The following CNTN5 variants were observed in gnomAD, a reference collection of about 807,000 sequenced individuals.
CNTN5 encodes the protein contactin 5, also known as contactin-5.
Under a neutral mutation model 129.1 loss-of-function variants are expected in CNTN5, and 77 were observed. That is an observed-to-expected ratio of 0.60 (90% confidence interval 0.50 to 0.72). CNTN5 has a LOEUF of 0.72. Among genes scored for constraint, CNTN5 ranks in the 30% least tolerant of loss-of-function variants. The pLI is 0.00. For missense variants in CNTN5, 1,478 were observed against 1,328.8 expected, an observed-to-expected ratio of 1.11 and a Z score of -1.75; for synonymous variants, 509 against 465.6, an observed-to-expected ratio of 1.09 and a Z score of -1.20.
intron 3 of CNTN5, among the ~76,000 whole-genome samples, chr11:99,726,247 C>T (rs757045613): frequency 4.6e-5 from 7 of 152,192 alleles, no homozygotes; most frequent in Admixed American, 1.3e-4. Context: ...CAGGAAGTTA[C>T]TTGTCTGGGA....
chr11:100,094,788 G>GGAAA (rs1944939738), intron 13 of CNTN5, among the ~76,000 whole-genome samples: 3 of 145,000 alleles, frequency 2.1e-5, no homozygotes, highest in South Asian at 4.4e-4. Flanking sequence ...AAGGAAGGAA[G>GGAAA]GAAGGAAGGA....
chr11:99,423,518 A>C (rs1353354679), intron 2 of CNTN5, among the ~76,000 whole-genome samples: 2 of 152,238 alleles, frequency 1.3e-5, no homozygotes, highest in Non-Finnish European at 2.9e-5. Context: ...CAGGTTTCTA[A>C]GGTAAACTTA....
intron 3 of CNTN5, among the ~76,000 whole-genome samples, chr11:99,661,812 G>A (rs662729): frequency 6.6e-6 from 1 of 152,104 alleles, no homozygotes. Flanking sequence ...GAGGTATTTA[G>A]AAATTGCTTC....
intron 9 of CNTN5, among the ~76,000 whole-genome samples, chr11:100,024,158 C>T (rs1323806519): frequency 6.6e-6 from 1 of 152,098 alleles, no homozygotes; most frequent in Non-Finnish European, 1.5e-5. Context: ...AGGCAGTTTC[C>T]TTCATGCTGT....
At chr11:99,339,675 G>A (rs1866419082) in intron 2 of CNTN5, among the ~76,000 whole-genome samples, 1 of 152,046 alleles carries the variant, frequency 6.6e-6, no homozygotes, top group Admixed American at 6.6e-5. Context: ...CCATCTACTA[G>A]AGAGGCTGAG....
chr11:99,576,960 G>A (rs1161030391), intron 3 of CNTN5, among the ~76,000 whole-genome samples: 1 of 152,148 alleles, frequency 6.6e-6, no homozygotes, highest in Non-Finnish European at 1.5e-5. Flanking sequence ...TCAGACCACA[G>A]CACAAATCTT....
At chr11:99,923,929 C>G (rs2136045591) in intron 7 of CNTN5, among the ~76,000 whole-genome samples, 1 of 152,170 alleles carries the variant, frequency 6.6e-6, no homozygotes, top group East Asian at 1.9e-4. Flanking sequence ...CTGGTAGGTA[C>G]TACAGGCGCA....
intron 1 of CNTN5, among the ~76,000 whole-genome samples, chr11:99,023,890 CT>C (rs1417539309): frequency 2.6e-5 from 4 of 151,996 alleles, no homozygotes; most frequent in African/African-American, 9.7e-5. Context: ...TTGATTTTAT[CT>C]CTCTTTCTTC....
At chr11:99,289,202 T>A (rs956011335) in intron 1 of CNTN5, among the ~76,000 whole-genome samples, 1 of 151,888 alleles carries the variant, frequency 6.6e-6, no homozygotes, top group African/African-American at 2.4e-5. Context: ...TGCTATTATC[T>A]TCCTTCCTCT....
intron 13 of CNTN5, among the ~76,000 whole-genome samples, chr11:100,145,391 T>A (rs1038366133): frequency 2.6e-5 from 4 of 152,170 alleles, no homozygotes; most frequent in African/African-American, 9.6e-5. Context: ...TTGCTGCTCA[T>A]TGATCACTAA....
At chr11:99,559,896 A>G (rs1180256829) in intron 3 of CNTN5, among the ~76,000 whole-genome samples, 1 of 152,224 alleles carries the variant, frequency 6.6e-6, no homozygotes, top group African/African-American at 2.4e-5. Context: ...CAAACTACAC[A>G]AACATATTAA....
intron 1 of CNTN5, among the ~76,000 whole-genome samples, chr11:99,033,918 C>A (rs1591077052): frequency 6.6e-6 from 1 of 150,594 alleles, no homozygotes; most frequent in Non-Finnish European, 1.5e-5. Flanking sequence ...TCATAGATAG[C>A]TCTTATTATT....
intron 6 of CNTN5, among the ~76,000 whole-genome samples, chr11:99,907,291 A>T (rs2135974309): frequency 6.6e-6 from 1 of 152,144 alleles, no homozygotes; most frequent in African/African-American, 2.4e-5. Flanking sequence ...TTGATTTTTA[A>T]CATTAGGCAG....
intron 18 of CNTN5, among the ~76,000 whole-genome samples, chr11:100,272,921 C>T (rs1404740975): frequency 2.0e-5 from 3 of 152,016 alleles, no homozygotes; most frequent in Non-Finnish European, 4.4e-5. Context: ...GATGTGGAGC[C>T]CAGAGGGTTT....
At chr11:99,784,854 C>G (rs763134457) in intron 3 of CNTN5, among the ~76,000 whole-genome samples, 5 of 127,822 alleles carry the variant, frequency 3.9e-5, no homozygotes, top group East Asian at 2.7e-4. Flanking sequence ...GGTTGGAGTA[C>G]AGTGACGCGA....
At chr11:99,193,871 G>C (rs964688612) in intron 1 of CNTN5, among the ~76,000 whole-genome samples, 4 of 152,150 alleles carry the variant, frequency 2.6e-5, no homozygotes, top group African/African-American at 9.7e-5. Context: ...CAGACACCTT[G>C]AGGAAAAGTC....
intron 18 of CNTN5, among the ~76,000 whole-genome samples, chr11:100,288,541 A>C (rs1227086625): frequency 6.6e-6 from 1 of 152,216 alleles, no homozygotes; most frequent in East Asian, 1.9e-4. Flanking sequence ...GCAGAAATAA[A>C]GATGTTCTTT....
At chr11:99,383,784 TG>T (rs1940751485) in intron 2 of CNTN5, among the ~76,000 whole-genome samples, 1 of 152,168 alleles carries the variant, frequency 6.6e-6, no homozygotes, top group Admixed American at 6.5e-5. Context: ...TTTTTCCACA[TG>T]GAGGATTATC....
intron 1 of CNTN5, among the ~76,000 whole-genome samples, chr11:99,265,596 A>AATG (rs1862848602): frequency 6.6e-6 from 1 of 152,074 alleles, no homozygotes; most frequent in Non-Finnish European, 1.5e-5. Flanking sequence ...TTCCCTTTCT[A>AATG]ATGTTGAAAA....
Sources: allele counts gnomAD v4.1 joint callset (sites outside exome capture counted in the v4.1 genomes callset), GRCh38; gene constraint gnomAD v4.1.1; transcripts MANE v1.5; gene names NCBI Gene and HGNC (gene_info 2026-07-23, HGNC 2026-07-21).